ROBO2: variants seen among roughly 807,000 people sequenced by gnomAD.
ROBO2 encodes the protein roundabout homolog 2.
Under a neutral mutation model 160.8 loss-of-function variants are expected in ROBO2, and 53 were observed. The observed-to-expected ratio is 0.33, with a 90% CI of 0.26 to 0.41. ROBO2 has a LOEUF of 0.41. Among genes scored for constraint, ROBO2 ranks in the 10% least tolerant of loss-of-function variants. ROBO2 has a pLI of 1.00. For synonymous variants in ROBO2, 664 were observed against 611.7 expected (o/e 1.09, Z -1.26); for missense variants, 1,577 against 1,722.4 (o/e 0.92, Z 1.49).
intron 2 of ROBO2, among the ~76,000 whole-genome samples, chr3:76,666,400 T>C (rs563009848): frequency 6.6e-6 from 1 of 152,146 alleles, no homozygotes; most frequent in Non-Finnish European, 1.5e-5. Context: ...CTGATGACAC[T>C]TATTTCAAGT....
intron 2 of ROBO2, among the ~76,000 whole-genome samples, chr3:77,470,845 T>A (rs751220209): frequency 6.6e-6 from 1 of 152,218 alleles, no homozygotes; most frequent in Non-Finnish European, 1.5e-5. Flanking sequence ...AGTTTGGATG[T>A]CATTGTGCCA....
chr3:76,887,435 C>G (rs939991546), intron 2 of ROBO2, among the ~76,000 whole-genome samples: 5 of 151,358 alleles, frequency 3.3e-5, no homozygotes, highest in Non-Finnish European at 5.9e-5. Context: ...GAGTTGAAAA[C>G]CCTTTTTCAG....
At chr3:77,638,628 T>C (rs780847161) in intron 24 of ROBO2, among the ~76,000 whole-genome samples, 2 of 152,088 alleles carry the variant, frequency 1.3e-5, no homozygotes, top group Non-Finnish European at 2.9e-5. Flanking sequence ...AGAGTGTTCT[T>C]CTCCCTTTTG....
chr3:76,918,479 A>G (rs2076464358), intron 2 of ROBO2, among the ~76,000 whole-genome samples: 1 of 152,196 alleles, frequency 6.6e-6, no homozygotes, highest in Admixed American at 6.5e-5. Context: ...ACAGACTAAT[A>G]CAATATTTTA....
At chr3:76,904,020 T>A (rs1466505160) in intron 2 of ROBO2, among the ~76,000 whole-genome samples, 2 of 152,210 alleles carry the variant, frequency 1.3e-5, no homozygotes, top group Non-Finnish European at 2.9e-5. Context: ...ACAGTCTCTA[T>A]TACCTTCACA....
At position 77,635,016 on chromosome 3, in the gene ROBO2, C is replaced by T. The variant is rs1473428563; in HGVS notation, c.3907C>T (p.Pro1303Ser). 10 of 1,614,098 alleles carry T rather than the reference C, an allele frequency of 6.2e-6. No individual in the cohort carries two copies. The highest frequency in any genetic ancestry group is 8.5e-6 in the Non-Finnish European group (10 of 1,180,012). Reference sequence around the variant, plus strand: ...GCGGATGGACCAACAACCAGCATTGCCTCATCGAAGGGAAGGAATGACAGA... The same window carrying T: ...GCGGATGGACCAACAACCAGCATTGTCTCATCGAAGGGAAGGAATGACAGA... Residue 1303 changes from proline (P) to serine (S), a missense_variant, in exon 24 of 26, where the codon CCT becomes TCT. Pro to Ser is a moderately conservative substitution (Grantham distance 74). Transcript: ENST00000461745.
At position 77,480,107 on chromosome 3, in the gene ROBO2, TA is replaced by T. The variant is rs557885792; in HGVS notation, c.547-984del. On this transcript the variant is annotated intron_variant, in intron 3 of 25. Transcript: ENST00000461745. ...AGGTTAATGGTCTTTTTCACCTATG[TA>T]AAAAAAAGTTGAAAATTCCTTTCTA... Among the ~76,000 whole-genome samples the T allele has an allele frequency of 9.7e-4, 148 of 152,000 alleles. 1 individual carries two copies. The highest frequency in any genetic ancestry group is 1.6e-3 in the Non-Finnish European group (111 of 67,932).
chr3:77,288,417 T>A (rs999652877), intron 2 of ROBO2, among the ~76,000 whole-genome samples: 1 of 152,226 alleles, frequency 6.6e-6, no homozygotes, highest in Admixed American at 6.5e-5. Context: ...TTCTGACTGT[T>A]TTTCTGGACA....
chr3:77,311,157 GTTTTC>G (rs952308772), intron 2 of ROBO2, among the ~76,000 whole-genome samples: 45 of 152,174 alleles, frequency 3.0e-4, no homozygotes, highest in African/African-American at 1.1e-3. Flanking sequence ...CATTTCTAAT[GTTTTC>G]TTTTTCTCAT....
At chr3:77,064,870 A>T (rs1031183235) in intron 1 of ROBO2, among the ~76,000 whole-genome samples, 7 of 152,158 alleles carry the variant, frequency 4.6e-5, no homozygotes, top group Non-Finnish European at 8.8e-5. Flanking sequence ...TCTGGTATTC[A>T]CAGGTATCAT....
chr3:76,863,437 C>CAAAAA (rs1295026229), intron 2 of ROBO2, among the ~76,000 whole-genome samples: 7 of 107,328 alleles, frequency 6.5e-5, no homozygotes, highest in Non-Finnish European at 9.3e-5. Context: ...GAACCTGTCT[C>CAAAAA]AAAAAAAAAG....
intron 2 of ROBO2, among the ~76,000 whole-genome samples, chr3:77,179,396 C>T (rs1278804040): frequency 2.0e-5 from 3 of 151,118 alleles, no homozygotes; most frequent in Non-Finnish European, 4.4e-5. Context: ...AAATATATTT[C>T]ATTTTTTCAT....
chr3:76,011,435 C>T (rs1413563890), intron 2 of ROBO2, among the ~76,000 whole-genome samples: 2 of 152,172 alleles, frequency 1.3e-5, no homozygotes, highest in East Asian at 3.9e-4. Flanking sequence ...TGCCCTCACC[C>T]CCAAAATTGA....
intron 2 of ROBO2, among the ~76,000 whole-genome samples, chr3:76,865,018 A>C (rs2071216946): frequency 6.6e-6 from 1 of 152,090 alleles, no homozygotes; most frequent in Non-Finnish European, 1.5e-5. Flanking sequence ...AGAAAATCAG[A>C]ATTTAAATTA....
At chr3:77,622,194 G>A (rs2094915907) in intron 22 of ROBO2, 33 bp from the exon 24 acceptor site, 1 of 1,587,014 alleles carries the variant, frequency 6.3e-7, no homozygotes, top group Non-Finnish European at 8.6e-7. Context: ...TTAATAAGTT[G>A]CTTTTCTTTT....
chr3:76,824,178 A>G (rs949925995), intron 2 of ROBO2, among the ~76,000 whole-genome samples: 6 of 152,194 alleles, frequency 3.9e-5, no homozygotes, highest in Non-Finnish European at 8.8e-5. Flanking sequence ...CTCAAGTTCC[A>G]GAGAAGGATA....
intron 2 of ROBO2, among the ~76,000 whole-genome samples, chr3:76,570,607 C>G (rs1488017103): frequency 6.6e-6 from 1 of 152,236 alleles, no homozygotes; most frequent in Non-Finnish European, 1.5e-5. Context: ...GTGCAAACTG[C>G]AACTTTTCAT....
intron 2 of ROBO2, among the ~76,000 whole-genome samples, chr3:76,700,191 A>AT (rs1050922478): frequency 4.6e-5 from 7 of 151,886 alleles, no homozygotes; most frequent in East Asian, 1.9e-4. Flanking sequence ...TCTTTCTGTC[A>AT]TTTTTTGTCC....
intron 2 of ROBO2, among the ~76,000 whole-genome samples, chr3:77,254,314 A>C (rs1042458452): frequency 1.3e-5 from 2 of 152,214 alleles, no homozygotes; most frequent in African/African-American, 4.8e-5. Context: ...TGATTTCCAC[A>C]TTAAGTCAAT....
Sources: allele counts gnomAD v4.1 joint callset (sites outside exome capture counted in the v4.1 genomes callset), GRCh38; gene constraint gnomAD v4.1.1; transcripts MANE v1.5; gene names NCBI Gene and HGNC (gene_info 2026-07-23, HGNC 2026-07-21).